The following TFDP1 variants were observed in gnomAD, a reference collection of about 807,000 sequenced individuals.
TFDP1 encodes DRTF1-polypeptide 1.
Under a neutral mutation model 48.0 loss-of-function variants are expected in TFDP1, and 6 were observed. That is an observed-to-expected ratio of 0.13 (90% CI 0.07 to 0.25). TFDP1 has a LOEUF of 0.25. Ranked by LOEUF, TFDP1 falls within the 10% of genes least tolerant of loss-of-function variation. The pLI is 1.00. For missense variants in TFDP1, 335 were observed against 543.0 expected, an observed-to-expected ratio of 0.62 and a Z score of 3.81; for synonymous variants, 201 against 211.6, an observed-to-expected ratio of 0.95 and a Z score of 0.44.
chr13:113,613,025 T>C (rs57451048), intron 3 of TFDP1, among the ~76,000 whole-genome samples: 1 of 94,818 alleles, frequency 1.1e-5, no homozygotes, highest in Non-Finnish European at 2.2e-5. Context: ...TTTTTGTTGT[T>C]GTTGTTTTGG....
At chr13:113,626,779 T>G (rs2049190550) in intron 4 of TFDP1, among the ~76,000 whole-genome samples, 1 of 152,152 alleles carries the variant, frequency 6.6e-6, no homozygotes, top group South Asian at 2.1e-4. Context: ...TCAGTTTTTG[T>G]TTTGCTTGAT....
rs143824099 is a variant in TFDP1 at position 113,601,243 on chromosome 13, G to C, written c.13-9753G>C. Reference sequence around the variant, plus strand: ...CAGCGTCTGTCACCTCCTAGTGCCTGTTAGGAGCCCAGGTCCCCGTTCAGC... The same window carrying C: ...CAGCGTCTGTCACCTCCTAGTGCCTCTTAGGAGCCCAGGTCCCCGTTCAGC... On this transcript the variant is annotated intron_variant, in intron 2 of 11. Coordinates refer to ENST00000375370, the MANE Select transcript of TFDP1 (RefSeq NM_007111.5). Among the ~76,000 whole-genome samples the C allele has an allele frequency of 2.6e-5, 4 of 152,324 alleles. No homozygotes were observed. In the East Asian group the frequency reaches 5.8e-4, roughly 22 times the overall value.
rs757559030 is a variant in TFDP1, at chr13:113,636,016, G to T, written c.727G>T (p.Ala243Ser). 10 of 1,614,146 alleles carry T rather than the reference G, an allele frequency of 6.2e-6. No individual in the cohort carries two copies. Among genetic ancestry groups the T allele is most frequent in the Non-Finnish European group, 8.5e-6 (10 of 1,180,028 alleles). ...FKNLVQRNRHAEQQASRPPPP... is the reference protein window; with the variant it reads ...FKNLVQRNRHSEQQASRPPPP... Reference sequence around the variant, plus strand: ...GAACCTGGTGCAGAGAAACCGGCATGCGGAGCAGCAGGCCAGCCGGCCACC... The same window carrying T: ...GAACCTGGTGCAGAGAAACCGGCATTCGGAGCAGCAGGCCAGCCGGCCACC... Residue 243 changes from alanine to serine, a missense_variant, in exon 9 of 12, where the codon GCG (alanine) becomes TCG (serine). By Grantham distance (99) the Ala-to-Ser change is moderately conservative (BLOSUM62 1). This residue lies in a region of TFDP1 where 204 missense variants were observed against 287.1 expected (regional missense o/e 0.71). Transcript: ENST00000375370.
intron 2 of TFDP1, among the ~76,000 whole-genome samples, chr13:113,599,133 G>A (rs1178615734): frequency 6.6e-6 from 1 of 151,266 alleles, no homozygotes; most frequent in East Asian, 1.9e-4. Context: ...CACATGTTTT[G>A]TTCACTGCTA....
intron 5 of TFDP1, among the ~76,000 whole-genome samples, chr13:113,632,391 G>A (rs927679620): frequency 6.6e-6 from 1 of 152,214 alleles, no homozygotes; most frequent in Non-Finnish European, 1.5e-5. Flanking sequence ...GTTGTCAAGC[G>A]GCTGTCACAG....
chr13:113,608,882 C>T (rs1204853688), intron 2 of TFDP1, among the ~76,000 whole-genome samples: 1 of 152,186 alleles, frequency 6.6e-6, no homozygotes, highest in Non-Finnish European at 1.5e-5. Context: ...TCTAACTGGC[C>T]GTACCCTCCT....
At chr13:113,618,710 A>G (rs763547875) in intron 3 of TFDP1, among the ~76,000 whole-genome samples, 1 of 152,196 alleles carries the variant, frequency 6.6e-6, no homozygotes, top group Non-Finnish European at 1.5e-5. Context: ...TGCCGAGGAA[A>G]ACACACAGCA....
chr13:113,614,082 GATGT>G (rs1285073398), intron 3 of TFDP1, among the ~76,000 whole-genome samples: 4 of 151,398 alleles, frequency 2.6e-5, no homozygotes, highest in African/African-American at 7.3e-5. Context: ...GTGTGCATGA[GATGT>G]ATGTGAGTTG....
intron 2 of TFDP1, among the ~76,000 whole-genome samples, chr13:113,587,170 C>T (rs137957027): frequency 0.02 from 3,113 of 152,136 alleles, 42 homozygotes; most frequent in Non-Finnish European, 0.032. Context: ...TGTCTGTGAG[C>T]AGCATGTAGT....
rs999247353 is a variant in TFDP1 at position 113,609,370 on chromosome 13, C to T, written c.13-1626C>T. 4.7e-5 allele frequency among the ~76,000 whole-genome samples: 7 copies of T among 148,142 alleles called. No homozygotes were observed. The East Asian group carries it at 1.2e-3, about 24-fold the overall frequency. ...GCAAGTCCCACAGCCAGGGCTGGGA[C>T]GGTGCCTGCTGGACAGCTAGACTCA... is the stretch of plus-strand genomic sequence containing the variant. On this transcript the variant is annotated intron_variant, in intron 2 of 11. Transcript: ENST00000375370.
rs558853723 is a variant in TFDP1, at chr13:113,607,788, C to T, written c.13-3208C>T. 4.1e-4 allele frequency among the ~76,000 whole-genome samples: 63 copies of T among 152,250 alleles called. No individual in the cohort carries two copies. The highest frequency in any genetic ancestry group is 3.4e-3 in the Middle Eastern group (1 of 294). ...TGACGGGGGCCAGTGGTTTCCTGGA[C>T]CTGGGTTTCCTGGGTGTGGGCTACT... is the stretch of plus-strand genomic sequence containing the variant. On this transcript the variant is annotated intron_variant, in intron 2 of 11. Transcript: ENST00000375370. This position sits in a 1 kb window ranked among gnomAD's most constrained non-coding sequence, Gnocchi z 5.2.
intron 2 of TFDP1, among the ~76,000 whole-genome samples, chr13:113,605,490 GGT>G (rs1362526325): frequency 1.3e-5 from 2 of 152,236 alleles, no homozygotes; most frequent in African/African-American, 4.8e-5. Flanking sequence ...AGCGGCTGTG[GGT>G]CAGGAGTTTG....
At chr13:113,586,469 T>A (rs141364843) in intron 2 of TFDP1, among the ~76,000 whole-genome samples, 2 of 152,332 alleles carry the variant, frequency 1.3e-5, no homozygotes, top group East Asian at 3.9e-4. Flanking sequence ...AGAAATTTAG[T>A]CTATTTTATT....
At chr13:113,615,523 G>C (rs577866052) in intron 3 of TFDP1, among the ~76,000 whole-genome samples, 26 of 152,338 alleles carry the variant, frequency 1.7e-4, no homozygotes, top group Non-Finnish European at 3.2e-4. Context: ...GCCTGGAAGT[G>C]TGCTTGTCTG....
At chr13:113,591,037 G>GAAAA (rs2048131615) in intron 2 of TFDP1, among the ~76,000 whole-genome samples, 1 of 130,636 alleles carries the variant, frequency 7.7e-6, no homozygotes, top group South Asian at 2.5e-4. Context: ...AAAAGAAAAA[G>GAAAA]AAAATTATAG....
chr13:113,598,545 AG>A lies in TFDP1; in HGVS notation c.13-12450del, dbSNP rs2048337943. ...GAAGGTTCTGGTGCCCCCGAAGCACAGCCCCACCTCCCTAACCTGCCCTCCT... is the reference window on the plus strand; with the variant it reads ...GAAGGTTCTGGTGCCCCCGAAGCACACCCCACCTCCCTAACCTGCCCTCCT... On this transcript the variant is annotated intron_variant, in intron 2 of 11. Transcript: ENST00000375370. The surrounding 1 kb of genome is among the most constrained non-coding windows in gnomAD (Gnocchi z 4.2). 6.6e-6 allele frequency among the ~76,000 whole-genome samples: 1 copy of A among 152,136 alleles called. No individual in the cohort carries two copies. Among genetic ancestry groups the A allele is most frequent in the African/African-American group, 2.4e-5 (1 of 41,416 alleles).
At chr13:113,596,659 T>G (rs1266938318) in intron 2 of TFDP1, among the ~76,000 whole-genome samples, 1 of 152,192 alleles carries the variant, frequency 6.6e-6, no homozygotes, top group African/African-American at 2.4e-5. Flanking sequence ...CACGATGACT[T>G]TTGCCCGGAC....
intron 4 of TFDP1, among the ~76,000 whole-genome samples, chr13:113,630,179 A>ACG (rs1277922346): frequency 6.7e-6 from 1 of 149,582 alleles, no homozygotes; most frequent in African/African-American, 2.5e-5. Context: ...ACACACACAC[A>ACG]CACGCGTATT....
rs1222337989 is a variant in TFDP1 at position 113,586,096 on chromosome 13, C to T, written c.12+247C>T. 9.9e-6 allele frequency: 4 copies of T among 402,146 alleles called. No individual in the cohort carries two copies. The Admixed American group carries it at 1.3e-4, about 13-fold the overall frequency. The allele number at this position is 402,146 out of a possible 1,614,324, so 24.9% of individuals were successfully genotyped here. Reference sequence around the variant, plus strand: ...TTGGGTGGTGATGGGGTGGTGCCTTCTGACTTTTTCCTTATCTTTACCGAC... The same window carrying T: ...TTGGGTGGTGATGGGGTGGTGCCTTTTGACTTTTTCCTTATCTTTACCGAC... On this transcript the variant is annotated intron_variant, in intron 2 of 11. Coordinates refer to ENST00000375370, the MANE Select transcript of TFDP1 (RefSeq NM_007111.5).
Sources: allele counts gnomAD v4.1 joint callset (sites outside exome capture counted in the v4.1 genomes callset), GRCh38; gene constraint gnomAD v4.1.1; regional missense constraint gnomAD v4.1.1; non-coding constraint Gnocchi (gnomAD v3.1); transcripts MANE v1.5; gene names NCBI Gene and HGNC (gene_info 2026-07-23, HGNC 2026-07-21).